Variants in SFMBT2 observed in about 807,000 individuals in gnomAD.
The protein encoded by SFMBT2 is Scm like with four mbt domains 2, also known as scm-like with four MBT domains protein 2.
SFMBT2 carries 38 observed loss-of-function variants against 110.1 expected under a neutral mutation model. The ratio of observed to expected loss-of-function variants is 0.35; its 90% CI spans 0.27 to 0.45. SFMBT2 has a LOEUF of 0.45. Among genes scored for constraint, SFMBT2 ranks in the 20% least tolerant of loss-of-function variants. The pLI is 1.00. For synonymous variants in SFMBT2, 425 were observed against 425.4 expected (o/e 1.00, Z 0.01); for missense variants, 1,011 against 1,094.9 (o/e 0.92, Z 1.08).
At chr10:7,271,433 C>T (rs1168916960) in intron 7 of SFMBT2, among the ~76,000 whole-genome samples, 1 of 152,090 alleles carries the variant, frequency 6.6e-6, no homozygotes, top group Non-Finnish European at 1.5e-5. Flanking sequence ...AGACACAGTC[C>T]TTGCCTTCCT....
intron 9 of SFMBT2, among the ~76,000 whole-genome samples, chr10:7,237,859 T>C (rs889163982): frequency 3.3e-5 from 5 of 152,064 alleles, no homozygotes; most frequent in Non-Finnish European, 5.9e-5. Context: ...GCTACTGAGA[T>C]TGAACAGGGA....
intron 4 of SFMBT2, among the ~76,000 whole-genome samples, chr10:7,307,565 C>T (rs1234712324): frequency 6.6e-6 from 1 of 152,156 alleles, no homozygotes; most frequent in Non-Finnish European, 1.5e-5. Flanking sequence ...CTCCATACAT[C>T]AGTAGGGGGA....
chr10:7,204,475 A>C (rs1839062177), intron 12 of SFMBT2: 1 of 983,460 alleles, frequency 1.0e-6, no homozygotes, highest in Non-Finnish European at 1.2e-6. Flanking sequence ...CATCATTTTA[A>C]ATAACACTTC....
At chr10:7,220,370 T>C in intron 11 of SFMBT2, 41 bp downstream of exon 11, 1 of 1,595,974 alleles carries the variant, frequency 6.3e-7, no homozygotes, top group Non-Finnish European at 8.6e-7. Flanking sequence ...CGACAAACTC[T>C]ACATTCCCCC....
chr10:7,385,378 T>C (rs1845563986), intron 1 of SFMBT2, among the ~76,000 whole-genome samples: 1 of 151,720 alleles, frequency 6.6e-6, no homozygotes, highest in Non-Finnish European at 1.5e-5. Flanking sequence ...AATGCTCAGC[T>C]CTCCCAGCTC....
At chr10:7,329,102 T>C (rs576272261) in intron 4 of SFMBT2, among the ~76,000 whole-genome samples, 5 of 152,350 alleles carry the variant, frequency 3.3e-5, no homozygotes, top group Admixed American at 1.3e-4. Context: ...GCAACAGATA[T>C]ACTGGGGTTA....
In SFMBT2 at chr10:7,285,945, T is replaced by C. The variant is rs760992844; in HGVS notation, c.446A>G (p.Glu149Gly). The C allele has an allele frequency of 2.3e-6, 2 of 870,992 alleles. No homozygotes were observed. Among genetic ancestry groups the C allele is most frequent in the Non-Finnish European group, 4.0e-6 (2 of 501,256 alleles). 54.0% of individuals were successfully genotyped at this position (870,992 alleles called of 1,614,324 possible). ...AAATTCTGTCCAGTCTGTGTACTTC[T>C]CTTTGATTGCTGGCAAGACAAAGGA... The part of the protein sequence containing the change: ...KVLMPPDAIK[E>G]KYTDWTEFLI... The change falls in exon 5 of 21, where the codon GAG becomes GGG. Residue 149 changes from glutamate to glycine, a missense_variant. Glu to Gly is a moderately conservative substitution (Grantham distance 98). Around this residue, in one of 2 missense-constraint regions of SFMBT2, gnomAD observed 979 missense variants for 1,016.1 expected, o/e 0.96. Coordinates refer to ENST00000397167, the MANE Select transcript of SFMBT2 (RefSeq NM_001387889.1).
intron 7 of SFMBT2, among the ~76,000 whole-genome samples, chr10:7,255,186 T>C (rs1389911922): frequency 6.6e-6 from 1 of 152,166 alleles, no homozygotes; most frequent in African/African-American, 2.4e-5. Context: ...TCATCCTCAA[T>C]GTCAAGGACA....
chr10:7,410,134 G>A (rs1250017566), intron 1 of SFMBT2, among the ~76,000 whole-genome samples: 1 of 152,226 alleles, frequency 6.6e-6, no homozygotes, highest in Non-Finnish European at 1.5e-5. Context: ...GGTCGAATAA[G>A]AGGAGACAAC....
chr10:7,188,310 T>C (rs553869322), intron 16 of SFMBT2, among the ~76,000 whole-genome samples: 5 of 152,346 alleles, frequency 3.3e-5, no homozygotes, highest in Admixed American at 1.3e-4. Flanking sequence ...GATATCCTCT[T>C]TACAATTTTC....
intron 7 of SFMBT2, among the ~76,000 whole-genome samples, chr10:7,274,771 C>T (rs559159235): frequency 6.6e-6 from 1 of 151,982 alleles, no homozygotes; most frequent in Non-Finnish European, 1.5e-5. Flanking sequence ...AGGAGGATGG[C>T]TTGAGCCTGG....
intron 7 of SFMBT2, among the ~76,000 whole-genome samples, chr10:7,253,621 T>C (rs1315194757): frequency 2.0e-5 from 3 of 152,196 alleles, no homozygotes; most frequent in Non-Finnish European, 4.4e-5. Flanking sequence ...TCTTGTTTCA[T>C]ATACTGAAAA....
At chr10:7,289,948 A>G (rs1588422030) in intron 4 of SFMBT2, among the ~76,000 whole-genome samples, 2 of 152,214 alleles carry the variant, frequency 1.3e-5, no homozygotes, top group Non-Finnish European at 2.9e-5. Context: ...TTTTAAAACT[A>G]TAAACTTTAT....
At chr10:7,197,350 G>T (rs1313005908) in intron 15 of SFMBT2, among the ~76,000 whole-genome samples, 198 bp downstream of exon 15, 1 of 152,032 alleles carries the variant, frequency 6.6e-6, no homozygotes, top group East Asian at 1.9e-4. Context: ...CCTCTAGATG[G>T]GGAGCCTTTC....
At chr10:7,384,915 T>C (rs141895257) in intron 1 of SFMBT2, among the ~76,000 whole-genome samples, 579 of 152,306 alleles carry the variant, frequency 3.8e-3, no homozygotes, top group Middle Eastern at 0.01. Flanking sequence ...AACACCGAAC[T>C]GACCTGCTCA....
At chr10:7,316,634 G>A (rs1311477866) in intron 4 of SFMBT2, among the ~76,000 whole-genome samples, 1 of 152,202 alleles carries the variant, frequency 6.6e-6, no homozygotes, top group Non-Finnish European at 1.5e-5. Context: ...CAAGCCCTCT[G>A]TTCAGCTCTC....
intron 9 of SFMBT2, among the ~76,000 whole-genome samples, chr10:7,240,784 A>G (rs1840403290): frequency 6.6e-6 from 1 of 152,036 alleles, no homozygotes; most frequent in Non-Finnish European, 1.5e-5. Context: ...AGAGTCACTG[A>G]GCTTCTTGTA....
At chr10:7,239,233 T>G (rs1840358548) in intron 9 of SFMBT2, among the ~76,000 whole-genome samples, 1 of 152,238 alleles carries the variant, frequency 6.6e-6, no homozygotes, top group South Asian at 2.1e-4. Flanking sequence ...ATCCATGTTC[T>G]TAACAGAAAT....
Position 7,261,503 on chromosome 10 carries a change from C to T in SFMBT2, c.871-12854G>A, listed in dbSNP as rs115440106. ...GCATGAATCAGTACAGACTCACAGGCGAAATGACCAAATGTTCTGATCCCT... is the reference window on the plus strand; with the variant it reads ...GCATGAATCAGTACAGACTCACAGGTGAAATGACCAAATGTTCTGATCCCT... On this transcript the variant is annotated intron_variant, in intron 7 of 20. Transcript: ENST00000397167. Among the ~76,000 whole-genome samples the T allele has an allele frequency of 2.3e-3, 344 of 152,264 alleles. 3 individuals are homozygous for T. Among genetic ancestry groups the T allele is most frequent in the African/African-American group, 8.0e-3 (334 of 41,546 alleles).
Sources: gnomAD v4.1 joint callset for allele counts (sites outside exome capture counted in the v4.1 genomes callset) on GRCh38, gnomAD v4.1.1 for gene constraint, gnomAD v4.1.1 regional missense constraint, MANE v1.5 for transcripts, NCBI Gene and HGNC (gene_info 2026-07-23, HGNC 2026-07-21) for gene names.